ANKRD26: variants seen among roughly 807,000 people sequenced by gnomAD.
The protein encoded by ANKRD26 is ankyrin repeat domain 26, also known as ankyrin repeat domain-containing protein 26.
ANKRD26 carries 141 observed loss-of-function variants against 208.7 expected under a neutral mutation model. That is an observed-to-expected ratio of 0.68 (90% CI 0.59 to 0.78). ANKRD26 has a LOEUF of 0.78. ANKRD26 is among the 30% of genes least tolerant of loss of function. ANKRD26 has a pLI of 0.00. For missense variants in ANKRD26, 1,889 were observed against 1,938.7 expected, an observed-to-expected ratio of 0.97 and a Z score of 0.48; for synonymous variants, 636 against 660.4, an observed-to-expected ratio of 0.96 and a Z score of 0.57.
chr10:26,968,280 CTTCCT>C, the ANKRD26 span, among the ~76,000 whole-genome samples: 2 of 152,170 alleles, frequency 1.3e-5, no homozygotes. Context: ...TCTGGATGCT[CTTCCT>C]TTCATTCTCT....
intron 5 of ANKRD26, among the ~76,000 whole-genome samples, chr10:27,083,623 T>C (rs1252784096): frequency 1.3e-5 from 2 of 152,206 alleles, no homozygotes; most frequent in African/African-American, 4.8e-5. Context: ...TTTATGTATT[T>C]CACCATGGAT....
intron 4 of ANKRD26, among the ~76,000 whole-genome samples, chr10:26,981,823 C>A (rs558706608): frequency 1.3e-5 from 2 of 152,296 alleles, no homozygotes. Flanking sequence ...AGGGCAATTA[C>A]TCCCTGAACT....
chr10:27,010,369 C>G (rs1471359408), intron 32 of ANKRD26, among the ~76,000 whole-genome samples: 1 of 152,222 alleles, frequency 6.6e-6, no homozygotes, highest in Non-Finnish European at 1.5e-5. Context: ...AAAATCTTCC[C>G]TTACATTGCG....
chr10:26,985,301 T>C (rs1340486195), intron 3 of ANKRD26, among the ~76,000 whole-genome samples: 2 of 152,116 alleles, frequency 1.3e-5, no homozygotes, highest in South Asian at 2.1e-4. Context: ...TCCAGTAATA[T>C]TGTTTACACC....
rs76551877 is a variant in ANKRD26, at chr10:27,014,296, T to TA, written c.4724+197dup. Among the ~76,000 whole-genome samples the TA allele has an allele frequency of 8.8e-3, 1,245 of 140,936 alleles. 3 individuals are homozygous for TA. The highest frequency in any genetic ancestry group is 0.017 in the Middle Eastern group (5 of 286). 92.5% of individuals were successfully genotyped at this position (140,936 alleles called of 152,430 possible). On this transcript the variant is annotated intron_variant, in intron 31 of 33. Transcript: ENST00000376087. ...TATTAACGGAAAAGCCATATAAAATTAAAAAAAAAAAAACAGAGGAAAGAC... is the reference window on the plus strand; with the variant it reads ...TATTAACGGAAAAGCCATATAAAATTAAAAAAAAAAAAAACAGAGGAAAGAC...
At chr10:26,991,732 A>G (rs2052491077), downstream of ANKRD26, among the ~76,000 whole-genome samples, 1 of 152,154 alleles carries the variant, frequency 6.6e-6, no homozygotes, top group South Asian at 2.1e-4. Flanking sequence ...TGAACCAAAG[A>G]AATATTTTTA....
intron 5 of ANKRD26, among the ~76,000 whole-genome samples, chr10:27,085,743 C>T (rs1455566297): frequency 6.6e-6 from 1 of 151,992 alleles, no homozygotes; most frequent in Non-Finnish European, 1.5e-5. Flanking sequence ...TGCACAAATC[C>T]ACCTATATGT....
chr10:27,081,665 G>A (rs544781050), intron 6 of ANKRD26, among the ~76,000 whole-genome samples: 19 of 151,982 alleles, frequency 1.3e-4, no homozygotes, highest in African/African-American at 4.6e-4. Flanking sequence ...TACTTAGCTG[G>A]CAGAAATGGA....
At chr10:27,019,362 TAATA>T (rs1390244655) in intron 29 of ANKRD26, among the ~76,000 whole-genome samples, 2 of 151,960 alleles carry the variant, frequency 1.3e-5, no homozygotes, top group African/African-American at 4.8e-5. Flanking sequence ...AGGAAATAAT[TAATA>T]GAGTGAAGAG....
chr10:27,052,240 T>C (rs2054688512), intron 16 of ANKRD26: 7 of 935,390 alleles, frequency 7.5e-6, no homozygotes, highest in South Asian at 5.0e-5. Flanking sequence ...AATCACTGGA[T>C]TGTAACTAAG....
At chr10:27,052,007 A>G (rs1430846510) in intron 16 of ANKRD26, 2 of 985,212 alleles carry the variant, frequency 2.0e-6, no homozygotes, top group African/African-American at 3.5e-5. Context: ...ATACAGATAC[A>G]TCCTCTCTAT....
At chr10:27,099,434 A>C (rs2056572006) in intron 1 of ANKRD26, among the ~76,000 whole-genome samples, 1 of 151,982 alleles carries the variant, frequency 6.6e-6, no homozygotes, top group South Asian at 2.1e-4. Context: ...AAGGCATTTT[A>C]TTTCTTTTTC....
chr10:27,035,450 T>A lies in ANKRD26; in HGVS notation c.3000A>T (p.Glu1000Asp), dbSNP rs201367567. The A allele has an allele frequency of 6.2e-7, 1 of 1,614,078 alleles. No homozygotes were observed. Among genetic ancestry groups the A allele is most frequent in the South Asian group, 1.1e-5 (1 of 91,084 alleles). ...ATGATTCAACTTCTGCTTCCAGTCT[T>A]TCCTTGCTTTGCTTTTCATTCTCCA... is the stretch of plus-strand genomic sequence containing the variant. The part of the protein sequence containing the change: ...SKLENEKQSK[E>D]RLEAEVESYH... Residue 1000 changes from glutamate (E) to aspartate (D), a missense_variant, in exon 24 of 34, where the codon GAA becomes GAT. Coordinates refer to ENST00000376087, the MANE Select transcript of ANKRD26 (RefSeq NM_014915.3).
intron 29 of ANKRD26, among the ~76,000 whole-genome samples, chr10:27,022,251 A>G (rs1365247078): frequency 7.9e-5 from 12 of 152,240 alleles, no homozygotes; most frequent in African/African-American, 2.6e-4. Flanking sequence ...ACAACAGACA[A>G]TGGGGCCTCC....
chr10:27,012,852 A>C (rs760226729), intron 32 of ANKRD26, 30 bp downstream of exon 32: 1 of 1,587,534 alleles, frequency 6.3e-7, no homozygotes, highest in South Asian at 1.1e-5. Context: ...GAAATTTGAA[A>C]CCCAAAGGAA....
intron 17 of ANKRD26, among the ~76,000 whole-genome samples, chr10:27,047,304 G>A (rs745349335): frequency 1.1e-4 from 16 of 152,082 alleles, no homozygotes; most frequent in Non-Finnish European, 2.1e-4. Flanking sequence ...GCAATATTCT[G>A]ATTAGTTATG....
At chr10:27,049,525 A>C (rs943721048) in intron 16 of ANKRD26, among the ~76,000 whole-genome samples, 29 of 152,180 alleles carry the variant, frequency 1.9e-4, no homozygotes, top group African/African-American at 6.0e-4. Context: ...GAAATACAGA[A>C]ACCAAGGTTT....
chr10:26,958,548 C>G, the ANKRD26 span, among the ~76,000 whole-genome samples: 1 of 152,122 alleles, frequency 6.6e-6, no homozygotes, highest in Admixed American at 6.5e-5. Flanking sequence ...CATCTTATAA[C>G]TGAGAAGGTG....
chr10:27,033,328 T>C lies in ANKRD26; in HGVS notation c.3704A>G (p.Gln1235Arg). Residue 1235 changes from glutamine to arginine, a missense_variant, in exon 25 of 34, where the codon CAA becomes CGA. Transcript: ENST00000376087. Reference sequence around the variant, plus strand: ...CTCCAGTGAAGCCTCTGACATAGATTGTTTTTTTAGGGTATCAGCTAGTTC... The same window carrying C: ...CTCCAGTGAAGCCTCTGACATAGATCGTTTTTTTAGGGTATCAGCTAGTTC... ...QQELADTLKK[Q>R]SMSEASLEVT... The C allele has an allele frequency of 6.2e-7, 1 of 1,612,238 alleles. No individual in the cohort carries two copies. The highest frequency in any genetic ancestry group is 8.5e-7 in the Non-Finnish European group (1 of 1,178,738).
Sources: allele counts gnomAD v4.1 joint callset (sites outside exome capture counted in the v4.1 genomes callset), GRCh38; gene constraint gnomAD v4.1.1; transcripts MANE v1.5; gene names NCBI Gene and HGNC (gene_info 2026-07-23, HGNC 2026-07-21).